The following ALG2 variants were observed in gnomAD, a reference collection of about 807,000 sequenced individuals.
ALG2 encodes the protein ALG2 alpha-1,3/1,6-mannosyltransferase.
A neutral mutation model predicts 30.5 loss-of-function variants in ALG2; 32 were observed. The observed-to-expected ratio is 1.05, with a 90% CI of 0.79 to 1.41. The LOEUF (loss-of-function observed/expected upper bound fraction) is 1.41, where lower values mean the gene tolerates loss of function less well. ALG2 is among the 40% of genes most tolerant of loss of function. The pLI is 0.00. For synonymous variants in ALG2, 253 were observed against 224.8 expected, an observed-to-expected ratio of 1.13 and a Z score of -1.12; for missense variants, 574 against 526.4, an observed-to-expected ratio of 1.09 and a Z score of -0.88.
At chr9:99,221,002 C>T in intron 1 of ALG2, 1 of 1,352,650 alleles carries the variant, frequency 7.4e-7, no homozygotes, top group Admixed American at 1.9e-5. Context: ...TTGAACTTTT[C>T]TCCAAAAACC....
At position 99,221,708 on chromosome 9, in the gene ALG2, T is replaced by C; in HGVS notation, c.187A>G (p.Ser63Gly). The C allele has an allele frequency of 6.3e-7, 1 of 1,593,636 alleles. No individual in the cohort carries two copies. Among genetic ancestry groups the C allele is most frequent in the Non-Finnish European group, 8.5e-7 (1 of 1,176,980 alleles). ...GCACAGCGCACCGGTAGCTCGCGGCTCTCGGCGAAACAGTGGCCCGGGTCG... is the reference window on the plus strand; with the variant it reads ...GCACAGCGCACCGGTAGCTCGCGGCCCTCGGCGAAACAGTGGCCCGGGTCG... ...HYDPGHCFAE[S>G]RELPVRCAGD... Residue 63 changes from serine to glycine, a missense_variant, in exon 1 of 2, where the codon AGC becomes GGC. Coordinates refer to ENST00000476832, the MANE Select transcript of ALG2 (RefSeq NM_033087.4).
At position 99,218,024 on chromosome 9, in the gene ALG2, G is replaced by A. The variant is rs1435596993; in HGVS notation, c.1161C>T (p.Gly387=). The A allele has an allele frequency of 1.2e-6, 2 of 1,614,190 alleles. No homozygotes were observed. Among genetic ancestry groups the A allele is most frequent in the Non-Finnish European group, 1.7e-6 (2 of 1,180,014 alleles). Residue 387 remains glycine, a synonymous_variant, in exon 2 of 2, where the codon GGC becomes GGT. Coordinates refer to ENST00000476832, the MANE Select transcript of ALG2 (RefSeq NM_033087.4). ...IREPSLKATM[G]LAGRARVKEK... ...CCTTCACTCTGGCTCTTCCAGCCAG[G>A]CCCATGGTGGCTTTTAAGGAAGGTT...
At chr9:99,220,931 A>G (rs1005280460) in intron 1 of ALG2, 2 of 1,327,740 alleles carry the variant, frequency 1.5e-6, no homozygotes, top group African/African-American at 1.5e-5. Context: ...TGCACGAAGG[A>G]AAGAGTCAAG....
Position 99,218,013 on chromosome 9 carries a change from C to G in ALG2, c.1172G>C (p.Arg391Thr), listed in dbSNP as rs1393172868. The change falls in exon 2 of 2, where the codon AGA (arginine) becomes ACA (threonine). Residue 391 changes from arginine to threonine, a missense_variant. Transcript: ENST00000476832. ...GGAAAATTTTTCCTTCACTCTGGCT[C>G]TTCCAGCCAGGCCCATGGTGGCTTT... ...SLKATMGLAG[R>T]ARVKEKFSPE... 1.2e-6 allele frequency: 2 copies of G among 1,614,116 alleles called. No individual in the cohort carries two copies. The highest frequency in any genetic ancestry group is 1.7e-6 in the Non-Finnish European group (2 of 1,180,040).
Position 99,221,856 on chromosome 9 carries a change from G to A in ALG2, c.39C>T (p.Pro13=). Reference sequence around the variant, plus strand: ...GGTGGAGGAACAGCACCGACGGCTTGGGAACCGAGTCCCGTTCCCGGCCCT... The same window carrying A: ...GGTGGAGGAACAGCACCGACGGCTTAGGAACCGAGTCCCGTTCCCGGCCCT... The part of the protein sequence containing the change: ...EEQGRERDSV[P]KPSVLFLHPD... The change falls in exon 1 of 2, where the codon CCC becomes CCT. Residue 13 remains proline (P), a synonymous_variant. Coordinates refer to ENST00000476832, the MANE Select transcript of ALG2 (RefSeq NM_033087.4). 1 of 1,593,326 alleles carries A rather than the reference G, an allele frequency of 6.3e-7. No individual in the cohort carries two copies. The highest frequency in any genetic ancestry group is 1.3e-5 in the African/African-American group (1 of 74,890).
chr9:99,220,951 A>G (rs370432965), intron 1 of ALG2: 1 of 1,350,774 alleles, frequency 7.4e-7, no homozygotes, highest in Non-Finnish European at 9.8e-7. Flanking sequence ...GAATAGCTAC[A>G]GGGCAGATCC....
chr9:99,220,922 G>A, intron 1 of ALG2: 1 of 1,315,234 alleles, frequency 7.6e-7, no homozygotes, highest in African/African-American at 1.5e-5. Flanking sequence ...GGGGAAAAAT[G>A]CACGAAGGAA....
rs1828727572 is a variant in ALG2, at chr9:99,218,164, C to T, written c.1021G>A (p.Val341Ile). 6.2e-7 allele frequency: 1 copy of T among 1,612,176 alleles called. No homozygotes were observed. The highest frequency in any genetic ancestry group is 8.5e-7 in the Non-Finnish European group (1 of 1,178,522). The change falls in exon 2 of 2, where the codon GTC (valine) becomes ATC (isoleucine). Residue 341 changes from valine to isoleucine, a missense_variant. Physicochemically the swap from Val to Ile is conservative, Grantham distance 29. Transcript: ENST00000476832. ...PLEAMYMQCP[V>I]IAVNSGGPLE... ...GGTCCACCCGAATTAACAGCAATGA[C>T]TGGGCACTGCATGTACATGGCTTCC...
At position 99,221,910 on chromosome 9, in the gene ALG2, A is replaced by C; in HGVS notation, c.-16T>G. 1 of 1,576,680 alleles carries C rather than the reference A, an allele frequency of 6.3e-7. No homozygotes were observed. The highest frequency in any genetic ancestry group is 2.3e-5 in the East Asian group (1 of 44,122). On this transcript the variant is annotated 5_prime_UTR_variant, in exon 1 of 2. Coordinates refer to ENST00000476832, the MANE Select transcript of ALG2 (RefSeq NM_033087.4). ...CCTCCGCCATGGCCCTGGAGCCGCA[A>C]CTGCACCCCGCACCCTGATGGGGGT... is the stretch of plus-strand genomic sequence containing the variant.
intron 1 of ALG2, among the ~76,000 whole-genome samples, chr9:99,219,734 T>A (rs1461122229): frequency 6.6e-6 from 1 of 152,236 alleles, no homozygotes; most frequent in African/African-American, 2.4e-5. Context: ...AAGGTAACTT[T>A]AGGGATAATG....
intron 1 of ALG2, 112 bp downstream of exon 1, chr9:99,221,435 T>C (rs887967386): frequency 5.6e-6 from 7 of 1,255,924 alleles, no homozygotes; most frequent in Non-Finnish European, 7.8e-6. Flanking sequence ...TCCATGTCAG[T>C]TCCGATCTTT....
At chr9:99,220,284 G>A (rs918400258) in intron 1 of ALG2, among the ~76,000 whole-genome samples, 1 of 152,220 alleles carries the variant, frequency 6.6e-6, no homozygotes, top group Non-Finnish European at 1.5e-5. Flanking sequence ...CAACATTAGT[G>A]TCCTTTAAGG....
chr9:99,216,848 T>TGGG lies in ALG2; in HGVS notation c.*1085_*1086insCCC, dbSNP rs1255771601. The TGGG allele has an allele frequency of 2.2e-6, 1 of 454,020 alleles. No homozygotes were observed. The highest frequency in any genetic ancestry group is 4.4e-6 in the Non-Finnish European group (1 of 226,804). The allele number at this position is 454,020 out of a possible 1,614,324, so 28.1% of individuals were successfully genotyped here. On this transcript the variant is annotated 3_prime_UTR_variant, in exon 2 of 2. Transcript: ENST00000476832. ...CTGTTAGGCTCTCAAGTCTAGCTCT[T>TGGG]AAGAGTTGATAAATGTGGAGCCTTT...
chr9:99,220,774 C>G (rs923280353), intron 1 of ALG2, among the ~76,000 whole-genome samples: 1 of 152,156 alleles, frequency 6.6e-6, no homozygotes, highest in African/African-American at 2.4e-5. Context: ...ACCACAACTT[C>G]TGAAAAAATA....
At position 99,221,863 on chromosome 9, in the gene ALG2, G is replaced by A. The variant is rs2119008980; in HGVS notation, c.32C>T (p.Ser11Leu). 3 of 1,592,072 alleles carry A rather than the reference G, an allele frequency of 1.9e-6. No homozygotes were observed. The highest frequency in any genetic ancestry group is 1.7e-5 in the Admixed American group (1 of 59,694). The stretch of plus-strand genomic sequence containing the variant: ...GAACAGCACCGACGGCTTGGGAACC[G>A]AGTCCCGTTCCCGGCCCTGCTCCTC... The part of the protein sequence containing the change: MAEEQGRERD[S>L]VPKPSVLFLH... Residue 11 changes from serine (S) to leucine (L), a missense_variant, in exon 1 of 2, where the codon TCG becomes TTG. Physicochemically the swap from Ser to Leu is moderately radical, Grantham distance 145 (BLOSUM62 -2). Coordinates refer to ENST00000476832, the MANE Select transcript of ALG2 (RefSeq NM_033087.4).
chr9:99,218,558 G>A lies in ALG2; in HGVS notation c.627C>T (p.Asp209=), dbSNP rs1187766399. ...CATCCAGCTTTTCAGGAACAACTGAGTCAAAGCTGGTGACATTTAGAGATG... is the reference window on the plus strand; with the variant it reads ...CATCCAGCTTTTCAGGAACAACTGAATCAAAGCTGGTGACATTTAGAGATG... ...LYPSLNVTSF[D]SVVPEKLDDL... The change falls in exon 2 of 2, where the codon GAC becomes GAT. Residue 209 remains aspartate (D), a synonymous_variant. Transcript: ENST00000476832. The A allele has an allele frequency of 6.2e-7, 1 of 1,614,224 alleles. No homozygotes were observed. The highest frequency in any genetic ancestry group is 1.7e-5 in the Admixed American group (1 of 60,032).
Position 99,217,184 on chromosome 9 carries a change from T to C in ALG2, c.*750A>G, listed in dbSNP as rs1828707820. On this transcript the variant is annotated 3_prime_UTR_variant, in exon 2 of 2. Coordinates refer to ENST00000476832, the MANE Select transcript of ALG2 (RefSeq NM_033087.4). ...ACAACACAAATATTAACAAAACTAA[T>C]GACCTAGATGACATTAAGAAATATA... 2.2e-6 allele frequency: 1 copy of C among 454,012 alleles called. No individual in the cohort carries two copies. Among genetic ancestry groups the C allele is most frequent in the Non-Finnish European group, 4.4e-6 (1 of 226,712 alleles). The allele number at this position is 454,012 out of a possible 1,614,324, so 28.1% of individuals were successfully genotyped here.
rs1331887496 is a variant in ALG2, at chr9:99,217,272, A to T, written c.*662T>A. On this transcript the variant is annotated 3_prime_UTR_variant, in exon 2 of 2. Transcript: ENST00000476832. ...CTTGCTTCATTTCAATATCCACTTTACCCTAGTGTTCTGATTTCCAGTTTG... is the reference window on the plus strand; with the variant it reads ...CTTGCTTCATTTCAATATCCACTTTTCCCTAGTGTTCTGATTTCCAGTTTG... 2.2e-6 allele frequency: 1 copy of T among 454,072 alleles called. No homozygotes were observed. The allele number at this position is 454,072 out of a possible 1,614,324, so 28.1% of individuals were successfully genotyped here. A position where few individuals can be genotyped will look rare whatever the true frequency, so the allele number is the denominator to read the frequency against.
chr9:99,220,900 CT>C, intron 1 of ALG2: 2 of 1,288,198 alleles, frequency 1.6e-6, no homozygotes, highest in Non-Finnish European at 1.0e-6. Context: ...TTAAAGTCAT[CT>C]TTTTTAGGAT....
Sources: gnomAD v4.1 joint callset for allele counts (sites outside exome capture counted in the v4.1 genomes callset) on GRCh38, gnomAD v4.1.1 for gene constraint, MANE v1.5 for transcripts, NCBI Gene and HGNC (gene_info 2026-07-23, HGNC 2026-07-21) for gene names.